PTPRN2: variants seen among roughly 807,000 people sequenced by gnomAD.
PTPRN2 encodes the protein protein tyrosine phosphatase receptor type N2, also known as receptor-type tyrosine-protein phosphatase N2.
A neutral mutation model predicts 118.8 loss-of-function variants in PTPRN2; 74 were observed. That is an observed-to-expected ratio of 0.62 (90% CI 0.52 to 0.76). The LOEUF is 0.76. PTPRN2 is among the 30% of genes least tolerant of loss of function. The pLI, the probability that PTPRN2 is intolerant of heterozygous loss-of-function variation, is 0.00. For missense variants in PTPRN2, 1,481 were observed against 1,394.4 expected (o/e 1.06, Z -0.99); for synonymous variants, 641 against 608.0 (o/e 1.05, Z -0.80).
Position 158,192,351 on chromosome 7 carries a change from C to A in PTPRN2, c.525G>T (p.Thr175=). 2 of 1,511,990 alleles carry A rather than the reference C, an allele frequency of 1.3e-6. No homozygotes were observed. The highest frequency in any genetic ancestry group is 1.8e-6 in the Non-Finnish European group (2 of 1,142,548). 93.7% of individuals were successfully genotyped at this position (1,511,990 alleles called of 1,614,324 possible). A position where few individuals can be genotyped will look rare whatever the true frequency, so the allele number is the denominator to read the frequency against. The change falls in exon 5 of 23, where the codon ACG becomes ACT. Residue 175 remains threonine (T), a synonymous_variant. Transcript: ENST00000389418. ...CCTCAGCGGGGGGTCTGTCCTGCGC[C>A]GTATGGGTCCTGGCGAGCACGTCTG... ...PASDVLARTH[T]AQDRPPAEGD...
chr7:158,492,947 TCA>T, intron 1 of PTPRN2, among the ~76,000 whole-genome samples: 1 of 152,348 alleles, frequency 6.6e-6, no homozygotes, highest in African/African-American at 2.4e-5. Context: ...GGTCCAGATG[TCA>T]TTCTGAGGCC....
At chr7:158,128,961 ACAC>A (rs969833587) in intron 9 of PTPRN2, among the ~76,000 whole-genome samples, 1 of 150,550 alleles carries the variant, frequency 6.6e-6, no homozygotes, top group Non-Finnish European at 1.5e-5. Flanking sequence ...ACACACACAC[ACAC>A]AACATACCCC....
chr7:158,352,522 C>G (rs1808080245), intron 2 of PTPRN2, among the ~76,000 whole-genome samples: 2 of 152,234 alleles, frequency 1.3e-5, no homozygotes, highest in South Asian at 4.1e-4. Context: ...TCAGGCCCCT[C>G]CCGTGCTGCA....
intron 12 of PTPRN2, among the ~76,000 whole-genome samples, chr7:157,878,793 CGGATTCCGTGGGGCTGGAAGGG>C (rs1795943172): frequency 9.7e-6 from 1 of 102,694 alleles, no homozygotes. Flanking sequence ...GAGGAGCTCT[CGGATTCCGTGGGGCTGGAAGGG>C]TCAGTGTGAT....
At position 158,227,422 on chromosome 7, in the gene PTPRN2, G is replaced by A. The variant is rs1428350652; in HGVS notation, c.278-22149C>T. 2.0e-5 allele frequency among the ~76,000 whole-genome samples: 3 copies of A among 152,268 alleles called. No homozygotes were observed. The East Asian group carries it at 5.8e-4, about 29-fold the overall frequency. Reference sequence around the variant, plus strand: ...CTATTAGCATTTTATTTTGCCTACAGGAAAGCTGTAAATGAGAGGCTGATT... The same window carrying A: ...CTATTAGCATTTTATTTTGCCTACAAGAAAGCTGTAAATGAGAGGCTGATT... On this transcript the variant is annotated intron_variant, in intron 3 of 22. Transcript: ENST00000389418.
At chr7:158,507,035 G>T (rs1185860890) in intron 1 of PTPRN2, among the ~76,000 whole-genome samples, 1 of 152,232 alleles carries the variant, frequency 6.6e-6, no homozygotes, top group Admixed American at 6.5e-5. Flanking sequence ...AACATCAGGA[G>T]GTTACTGGGG....
chr7:158,371,182 C>T (rs1489374338), intron 2 of PTPRN2, among the ~76,000 whole-genome samples: 8 of 152,022 alleles, frequency 5.3e-5, no homozygotes, highest in Non-Finnish European at 8.8e-5. Context: ...GCCAAGTGAC[C>T]CTGACAGCAA....
At chr7:158,308,167 G>T (rs894231229) in intron 3 of PTPRN2, among the ~76,000 whole-genome samples, 4 of 152,166 alleles carry the variant, frequency 2.6e-5, no homozygotes, top group Non-Finnish European at 4.4e-5. Flanking sequence ...TCTCATCTGA[G>T]ACTATGAAGG....
At chr7:158,531,255 A>C (rs1586885216) in intron 1 of PTPRN2, among the ~76,000 whole-genome samples, 1 of 152,066 alleles carries the variant, frequency 6.6e-6, no homozygotes, top group Non-Finnish European at 1.5e-5. Flanking sequence ...GCCACGCCCC[A>C]TTACCCACGT....
chr7:158,340,093 ACTCACACCCACACT>A (rs1380411234), intron 2 of PTPRN2, among the ~76,000 whole-genome samples: 12 of 67,326 alleles, frequency 1.8e-4, no homozygotes, highest in South Asian at 7.5e-4. Flanking sequence ...TGCAGACGTC[ACTCACACCCACACT>A]CGCACCATAA....
At chr7:158,579,082 CA>C (rs1314304065) in intron 1 of PTPRN2, among the ~76,000 whole-genome samples, 1 of 152,130 alleles carries the variant, frequency 6.6e-6, no homozygotes, top group East Asian at 1.9e-4. Flanking sequence ...TTCTTTTATT[CA>C]AGGGCTTTAC....
chr7:157,827,443 C>T (rs536739911), intron 12 of PTPRN2, among the ~76,000 whole-genome samples: 2 of 151,260 alleles, frequency 1.3e-5, no homozygotes, highest in South Asian at 2.1e-4. Context: ...AGGCCAAGCT[C>T]GATCAGAATG....
chr7:157,877,657 C>A (rs1453944348), intron 12 of PTPRN2, among the ~76,000 whole-genome samples: 1 of 152,178 alleles, frequency 6.6e-6, no homozygotes, highest in Non-Finnish European at 1.5e-5. Context: ...AAGCCCGGGT[C>A]TTGGTGGGTG....
At chr7:158,231,672 TC>T (rs1829171046) in intron 3 of PTPRN2, among the ~76,000 whole-genome samples, 1 of 152,230 alleles carries the variant, frequency 6.6e-6, no homozygotes, top group African/African-American at 2.4e-5. Flanking sequence ...GAATACCCAT[TC>T]TTTTCATCAG....
chr7:158,171,314 T>TACATAC (rs1478395983), intron 5 of PTPRN2, among the ~76,000 whole-genome samples: 1 of 98,316 alleles, frequency 1.0e-5, no homozygotes, highest in African/African-American at 4.6e-5. Context: ...CACACATATA[T>TACATAC]ATATATATAT....
intron 12 of PTPRN2, among the ~76,000 whole-genome samples, chr7:157,820,613 ATGCACACAGCAGACCCCTACACACG>A (rs1387993222): frequency 3.3e-5 from 5 of 150,580 alleles, no homozygotes; most frequent in African/African-American, 4.9e-5. Flanking sequence ...ATTCTTACAC[ATGCACACAGCAGACCCCTACACACG>A]TGCACACACA....
rs1805251018 is a variant in PTPRN2, at chr7:157,801,011, A to G, written c.1788+97662T>C. Among the ~76,000 whole-genome samples, 3 of 151,038 alleles carry G rather than the reference A, an allele frequency of 2.0e-5. No homozygotes were observed. The highest frequency in any genetic ancestry group is 4.2e-4 in the South Asian group (2 of 4,768). ...CACACATATATATACACACATATAC[A>G]TATACACACACATATATATACACAT... On this transcript the variant is annotated intron_variant, in intron 12 of 22. Transcript: ENST00000389418. The surrounding 1 kb of genome is among the most constrained non-coding windows in gnomAD (Gnocchi z 4.2).
Position 158,070,409 on chromosome 7 carries a change from G to A in PTPRN2, c.1723+10889C>T, listed in dbSNP as rs550874797. ...GGTGGAGGTGCTCGTGGTGGTGGACGTGCTCGTGGTGGTGGTGCTCGTGGT... is the reference window on the plus strand; with the variant it reads ...GGTGGAGGTGCTCGTGGTGGTGGACATGCTCGTGGTGGTGGTGCTCGTGGT... On this transcript the variant is annotated intron_variant, in intron 11 of 22. Transcript: ENST00000389418. Among the ~76,000 whole-genome samples, 241 of 141,038 alleles carry A rather than the reference G, an allele frequency of 1.7e-3. 3 individuals are homozygous for A. The highest frequency in any genetic ancestry group is 6.1e-3 in the African/African-American group (220 of 36,264). 92.5% of individuals were successfully genotyped at this position (141,038 alleles called of 152,430 possible). A position where few individuals can be genotyped will look rare whatever the true frequency, so the allele number is the denominator to read the frequency against.
intron 9 of PTPRN2, among the ~76,000 whole-genome samples, chr7:158,119,788 A>C (rs1817008737): frequency 6.6e-6 from 1 of 152,172 alleles, no homozygotes; most frequent in South Asian, 2.1e-4. Context: ...GTTCTGCACT[A>C]TCTGAAGTTT....
Sources: allele counts gnomAD v4.1 joint callset (sites outside exome capture counted in the v4.1 genomes callset), GRCh38; gene constraint gnomAD v4.1.1; non-coding constraint Gnocchi (gnomAD v3.1); transcripts MANE v1.5; gene names NCBI Gene and HGNC (gene_info 2026-07-23, HGNC 2026-07-21).